LRP1B: variants seen among roughly 807,000 people sequenced by gnomAD.
LRP1B encodes low-density lipoprotein receptor-related protein 1B.
Under a neutral mutation model 556.6 loss-of-function variants are expected in LRP1B, and 217 were observed. That is an observed-to-expected ratio of 0.39 (90% CI 0.35 to 0.44). The LOEUF (loss-of-function observed/expected upper bound fraction) is 0.44, where lower values mean the gene tolerates loss of function less well. Among genes scored for constraint, LRP1B ranks in the 20% least tolerant of loss-of-function variants. The pLI is 1.00. For missense variants in LRP1B, 5,053 were observed against 5,620.8 expected (o/e 0.90, Z 3.23); for synonymous variants, 2,047 against 1,865.8 (o/e 1.10, Z -2.50).
chr2:141,785,670 T>C lies in LRP1B; in HGVS notation c.205+24609A>G, dbSNP rs898297188. 2.0e-5 allele frequency among the ~76,000 whole-genome samples: 3 copies of C among 150,908 alleles called. No individual in the cohort carries two copies. In the Admixed American group the frequency reaches 2.0e-4, roughly 10 times the overall value. ...TTTTCCTTCACATCTAGTGTGCTTA[T>C]GTGCCTTTAGGAGAGACGGAGCAGA... is the stretch of plus-strand genomic sequence containing the variant. On this transcript the variant is annotated intron_variant, in intron 2 of 90. Coordinates refer to ENST00000389484, the MANE Select transcript of LRP1B (RefSeq NM_018557.3).
intron 1 of LRP1B, among the ~76,000 whole-genome samples, chr2:141,981,429 G>C (rs909743640): frequency 2.0e-5 from 3 of 152,074 alleles, no homozygotes; most frequent in African/African-American, 7.2e-5. Context: ...AAGAAGTTAA[G>C]TGTAGCTAAA....
intron 1 of LRP1B, among the ~76,000 whole-genome samples, chr2:142,014,438 G>C (rs1703055787): frequency 6.6e-6 from 1 of 152,154 alleles, no homozygotes; most frequent in Admixed American, 6.6e-5. Flanking sequence ...GATTATGATT[G>C]AAAATACAAG....
intron 60 of LRP1B, among the ~76,000 whole-genome samples, chr2:140,470,875 G>A (rs999500459): frequency 6.6e-6 from 1 of 152,014 alleles, no homozygotes; most frequent in Non-Finnish European, 1.5e-5. Flanking sequence ...CCAGAGCCTT[G>A]AGGTTCCCAG....
chr2:141,735,190 T>C (rs756700561), intron 2 of LRP1B, among the ~76,000 whole-genome samples: 2 of 151,560 alleles, frequency 1.3e-5, no homozygotes, highest in Non-Finnish European at 2.9e-5. Flanking sequence ...ATGATACATC[T>C]GAAAGACAAA....
At chr2:141,434,950 T>C (rs1055595821) in intron 3 of LRP1B, among the ~76,000 whole-genome samples, 2 of 152,190 alleles carry the variant, frequency 1.3e-5, no homozygotes. Context: ...TGTGCTTTAG[T>C]CCCCTTAAAT....
chr2:141,349,263 G>A (rs1573841363), intron 3 of LRP1B, among the ~76,000 whole-genome samples: 3 of 151,828 alleles, frequency 2.0e-5, no homozygotes, highest in Admixed American at 2.0e-4. Context: ...TTAATGTAAC[G>A]CAAAAATGAA....
At chr2:141,119,674 A>C (rs942693976) in intron 7 of LRP1B, among the ~76,000 whole-genome samples, 90 of 151,798 alleles carry the variant, frequency 5.9e-4, no homozygotes, top group African/African-American at 2.1e-3. Flanking sequence ...TCTTGATAAC[A>C]TTTTAAAGAC....
At position 141,460,796 on chromosome 2, in the gene LRP1B, C is replaced by T. The variant is rs571438362; in HGVS notation, c.343+19600G>A. 4.6e-5 allele frequency among the ~76,000 whole-genome samples: 7 copies of T among 152,084 alleles called. No individual in the cohort carries two copies. In the South Asian group the frequency reaches 8.3e-4, roughly 18 times the overall value. ...ATAATATATCCTGAAGAATTCAATA[C>T]GGTGAATTTTTTTAAAGTCAGGGAT... On this transcript the variant is annotated intron_variant, in intron 3 of 90. Transcript: ENST00000389484.
chr2:141,693,631 C>T (rs1253638846), intron 2 of LRP1B, among the ~76,000 whole-genome samples: 2 of 152,002 alleles, frequency 1.3e-5, no homozygotes, highest in Admixed American at 6.6e-5. Context: ...GCTTTGTGCA[C>T]ACTGTGTGCA....
intron 43 of LRP1B, among the ~76,000 whole-genome samples, chr2:140,577,789 A>G (rs1197532722): frequency 6.6e-6 from 1 of 152,138 alleles, no homozygotes; most frequent in East Asian, 1.9e-4. Flanking sequence ...TATTTTTTAA[A>G]TTTTGATCAA....
chr2:141,548,077 G>T (rs1432403870), intron 2 of LRP1B, among the ~76,000 whole-genome samples: 1 of 152,058 alleles, frequency 6.6e-6, no homozygotes, highest in Non-Finnish European at 1.5e-5. Context: ...AGTTACCCAG[G>T]GGAGGCCTGT....
chr2:140,899,840 C>A (rs1694052524), intron 23 of LRP1B, among the ~76,000 whole-genome samples: 1 of 152,080 alleles, frequency 6.6e-6, no homozygotes, highest in Non-Finnish European at 1.5e-5. Context: ...AGATAAAAGT[C>A]ATTTTAATAA....
chr2:141,318,764 C>A (rs568275748), intron 3 of LRP1B, among the ~76,000 whole-genome samples: 1 of 152,068 alleles, frequency 6.6e-6, no homozygotes, highest in African/African-American at 2.4e-5. Context: ...GTCTCACCAT[C>A]TTTATCTGCT....
chr2:141,689,728 GTTGT>G (rs1319596064), intron 2 of LRP1B, among the ~76,000 whole-genome samples: 4 of 151,684 alleles, frequency 2.6e-5, no homozygotes, highest in Admixed American at 6.6e-5. Flanking sequence ...CTTGATAAAG[GTTGT>G]TTAATTTAGT....
chr2:141,883,855 C>G (rs1176974964), intron 1 of LRP1B, among the ~76,000 whole-genome samples: 1 of 152,114 alleles, frequency 6.6e-6, no homozygotes, highest in African/African-American at 2.4e-5. Flanking sequence ...ACAACAACAA[C>G]AACAACAAAA....
chr2:141,812,391 G>A (rs947907233), intron 1 of LRP1B, among the ~76,000 whole-genome samples: 1 of 152,044 alleles, frequency 6.6e-6, no homozygotes, highest in African/African-American at 2.4e-5. Flanking sequence ...AGTCAGAATG[G>A]ATGTTCATTT....
intron 3 of LRP1B, among the ~76,000 whole-genome samples, chr2:141,465,155 A>C (rs955401811): frequency 2.6e-5 from 4 of 152,206 alleles, no homozygotes; most frequent in African/African-American, 9.7e-5. Flanking sequence ...TCAATGTTAA[A>C]GTAGGGTTGG....
chr2:140,354,765 A>G (rs1337273982), intron 75 of LRP1B, among the ~76,000 whole-genome samples: 1 of 151,946 alleles, frequency 6.6e-6, no homozygotes, highest in African/African-American at 2.4e-5. Flanking sequence ...CTAGTACCCA[A>G]AACAGTACCT....
At chr2:140,533,260 A>G (rs1483405585) in intron 47 of LRP1B, among the ~76,000 whole-genome samples, 6 of 152,076 alleles carry the variant, frequency 3.9e-5, no homozygotes, top group Non-Finnish European at 7.4e-5. Flanking sequence ...CATAGCATAC[A>G]CTATTGCCAA....
Sources: gnomAD v4.1 joint callset for allele counts (sites outside exome capture counted in the v4.1 genomes callset) on GRCh38, gnomAD v4.1.1 for gene constraint, MANE v1.5 for transcripts, NCBI Gene and HGNC (gene_info 2026-07-23, HGNC 2026-07-21) for gene names.